The following ZNF804B variants were observed in gnomAD, a reference collection of about 807,000 sequenced individuals.
ZNF804B encodes the protein zinc finger 804B.
ZNF804B carries 80 observed loss-of-function variants against 101.4 expected under a neutral mutation model. The observed-to-expected ratio is 0.79, with a 90% CI of 0.66 to 0.95. The LOEUF (loss-of-function observed/expected upper bound fraction) is 0.95. Ranked by LOEUF, ZNF804B falls within the 40% of genes least tolerant of loss-of-function variation. The pLI is 0.00. For synonymous variants in ZNF804B, 622 were observed against 558.8 expected (o/e 1.11, Z -1.59); for missense variants, 1,673 against 1,561.9 (o/e 1.07, Z -1.20).
chr7:89,221,697 TTCTATTCTA>T (rs1562920951), intron 2 of ZNF804B, among the ~76,000 whole-genome samples: 8 of 58,218 alleles, frequency 1.4e-4, no homozygotes, highest in Admixed American at 4.7e-4. Flanking sequence ...AATATTTCTA[TTCTATTCTA>T]TTCTATTCTA....
intron 1 of ZNF804B, among the ~76,000 whole-genome samples, chr7:88,961,581 G>T (rs1364906221): frequency 6.6e-6 from 1 of 151,388 alleles, no homozygotes; most frequent in Non-Finnish European, 1.5e-5. Context: ...GCACTGGTTT[G>T]TAAAGTACCT....
At chr7:88,976,139 G>T (rs1793613032) in intron 1 of ZNF804B, among the ~76,000 whole-genome samples, 2 of 150,300 alleles carry the variant, frequency 1.3e-5, no homozygotes, top group Admixed American at 1.3e-4. Context: ...AGCATAATTT[G>T]AAGTCAAGTA....
intron 1 of ZNF804B, among the ~76,000 whole-genome samples, chr7:89,095,059 G>A (rs550696560): frequency 6.6e-6 from 1 of 152,190 alleles, no homozygotes; most frequent in Non-Finnish European, 1.5e-5. Context: ...GAATGTTTTT[G>A]TTGCCTCCAA....
chr7:88,970,476 G>C (rs1217167945), intron 1 of ZNF804B, among the ~76,000 whole-genome samples: 2 of 150,846 alleles, frequency 1.3e-5, no homozygotes, highest in Non-Finnish European at 3.0e-5. Flanking sequence ...GATATTCTAA[G>C]ATTTCCTTTT....
At chr7:89,191,209 A>G (rs1788451533) in intron 1 of ZNF804B, among the ~76,000 whole-genome samples, 1 of 152,184 alleles carries the variant, frequency 6.6e-6, no homozygotes, top group East Asian at 1.9e-4. Context: ...AAAACTAGCT[A>G]TGTAAAGTAT....
At chr7:89,313,957 A>G (rs2115952047) in intron 2 of ZNF804B, among the ~76,000 whole-genome samples, 1 of 152,260 alleles carries the variant, frequency 6.6e-6, no homozygotes, top group East Asian at 1.9e-4. Context: ...AAATCTAAAG[A>G]CATGAATTAG....
intron 2 of ZNF804B, among the ~76,000 whole-genome samples, chr7:89,264,489 T>C (rs914492946): frequency 2.0e-5 from 3 of 152,190 alleles, no homozygotes; most frequent in Non-Finnish European, 4.4e-5. Context: ...TCAATTGCCC[T>C]CACTTTGATA....
At chr7:89,075,696 A>G (rs1392653681) in intron 1 of ZNF804B, among the ~76,000 whole-genome samples, 2 of 152,184 alleles carry the variant, frequency 1.3e-5, no homozygotes, top group Non-Finnish European at 2.9e-5. Context: ...AGAAGGCCAC[A>G]ATCCTCCAGA....
chr7:88,811,261 C>T (rs1790781311), intron 1 of ZNF804B, among the ~76,000 whole-genome samples: 1 of 152,110 alleles, frequency 6.6e-6, no homozygotes, highest in Non-Finnish European at 1.5e-5. Flanking sequence ...AGCAAAAAAG[C>T]TCAACATCAC....
intron 1 of ZNF804B, among the ~76,000 whole-genome samples, chr7:89,119,700 T>A (rs1049378583): frequency 6.6e-6 from 1 of 152,144 alleles, no homozygotes; most frequent in African/African-American, 2.4e-5. Context: ...ATGAGGAACA[T>A]AAAACATAGC....
Position 89,057,990 on chromosome 7 carries a change from T to C in ZNF804B, c.109-160165T>C, listed in dbSNP as rs568411073. 1.1e-4 allele frequency among the ~76,000 whole-genome samples: 17 copies of C among 152,244 alleles called. No individual in the cohort carries two copies. The South Asian group carries it at 3.5e-3, about 32-fold the overall frequency. On this transcript the variant is annotated intron_variant, in intron 1 of 3. Coordinates refer to ENST00000333190, the MANE Select transcript of ZNF804B (RefSeq NM_181646.5). ...AGAACAACTGAGGCATTTATCAATA[T>C]TCTATCCCAGAAAAAGAGAAACGTT...
At chr7:89,247,832 T>G (rs1789474815) in intron 2 of ZNF804B, among the ~76,000 whole-genome samples, 1 of 152,074 alleles carries the variant, frequency 6.6e-6, no homozygotes, top group South Asian at 2.1e-4. Context: ...AAGACAAGGT[T>G]GAAAAGCAAC....
intron 2 of ZNF804B, among the ~76,000 whole-genome samples, chr7:89,280,810 G>A (rs964681221): frequency 7.9e-5 from 12 of 152,112 alleles, no homozygotes; most frequent in African/African-American, 2.9e-4. Flanking sequence ...ATTCACAGCC[G>A]AATTCTACCA....
chr7:88,977,739 A>G (rs1421507153), intron 1 of ZNF804B, among the ~76,000 whole-genome samples: 1 of 149,104 alleles, frequency 6.7e-6, no homozygotes, highest in Non-Finnish European at 1.5e-5. Context: ...TTTATTTCTG[A>G]TTTGATCTTT....
intron 2 of ZNF804B, among the ~76,000 whole-genome samples, chr7:89,241,183 AC>A: frequency 6.6e-6 from 1 of 152,100 alleles, no homozygotes; most frequent in East Asian, 1.9e-4. Flanking sequence ...ATACAACTTT[AC>A]TCCCCCAAAT....
chr7:88,857,830 T>TC, intron 1 of ZNF804B, among the ~76,000 whole-genome samples: 1 of 124,346 alleles, frequency 8.0e-6, no homozygotes, highest in East Asian at 2.4e-4. Flanking sequence ...TTCTTTTTTT[T>TC]TTTTTTTTTT....
At chr7:89,075,135 G>A (rs1354249156) in intron 1 of ZNF804B, among the ~76,000 whole-genome samples, 2 of 152,172 alleles carry the variant, frequency 1.3e-5, no homozygotes, top group African/African-American at 4.8e-5. Context: ...ATGCAATAGA[G>A]AAGAAAATCC....
chr7:89,161,759 G>A (rs1331103277), intron 1 of ZNF804B, among the ~76,000 whole-genome samples: 1 of 151,926 alleles, frequency 6.6e-6, no homozygotes, highest in Admixed American at 6.6e-5. Flanking sequence ...CTAATATCTG[G>A]TTAAAGTTGA....
chr7:89,180,666 C>T (rs1788284727), intron 1 of ZNF804B, among the ~76,000 whole-genome samples: 1 of 151,746 alleles, frequency 6.6e-6, no homozygotes, highest in Non-Finnish European at 1.5e-5. Context: ...CTTCTTTACT[C>T]CTCTCCTTCC....
Sources: gnomAD v4.1 joint callset for allele counts (sites outside exome capture counted in the v4.1 genomes callset) on GRCh38, gnomAD v4.1.1 for gene constraint, MANE v1.5 for transcripts, NCBI Gene and HGNC (gene_info 2026-07-23, HGNC 2026-07-21) for gene names.